Variants in TRABD2B observed in about 807,000 individuals in gnomAD.
TRABD2B encodes the protein TraB domain containing 2B.
TRABD2B carries 14 observed loss-of-function variants against 40.1 expected under a neutral mutation model. The ratio of observed to expected loss-of-function variants is 0.35; its 90% CI spans 0.23 to 0.55. The LOEUF (loss-of-function observed/expected upper bound fraction) is 0.55. Ranked by LOEUF, TRABD2B falls within the 20% of genes least tolerant of loss-of-function variation. The pLI, the probability that TRABD2B is intolerant of heterozygous loss-of-function variation, is 0.90. For missense variants in TRABD2B, 541 were observed against 648.6 expected (o/e 0.83, Z 1.80); for synonymous variants, 263 against 277.0 (o/e 0.95, Z 0.50).
At chr1:47,917,990 C>T (rs1441029789) in intron 2 of TRABD2B, among the ~76,000 whole-genome samples, 1 of 152,150 alleles carries the variant, frequency 6.6e-6, no homozygotes, top group Admixed American at 6.5e-5. Context: ...GTTATTATTC[C>T]CATTTTGCAT....
At chr1:47,970,910 A>C (rs1645673400) in intron 2 of TRABD2B, among the ~76,000 whole-genome samples, 2 of 152,212 alleles carry the variant, frequency 1.3e-5, no homozygotes, top group Admixed American at 6.5e-5. Flanking sequence ...GGCCAAAGCA[A>C]GTGACAAGAC....
At chr1:47,930,545 A>G (rs1429185427) in intron 2 of TRABD2B, among the ~76,000 whole-genome samples, 1 of 152,228 alleles carries the variant, frequency 6.6e-6, no homozygotes, top group Non-Finnish European at 1.5e-5. Context: ...ACTGCCCTGC[A>G]GAGGCTTCAA....
intron 6 of TRABD2B, among the ~76,000 whole-genome samples, chr1:47,768,052 G>A (rs947205242): frequency 1.3e-5 from 2 of 152,126 alleles, no homozygotes. Flanking sequence ...GTGTCCAAAC[G>A]GCCTCTGGCA....
At chr1:47,780,794 C>G (rs1644511121) in intron 4 of TRABD2B, among the ~76,000 whole-genome samples, 1 of 152,194 alleles carries the variant, frequency 6.6e-6, no homozygotes, top group South Asian at 2.1e-4. Context: ...ATGGGCAGCA[C>G]AGGCATGAAC....
Position 47,869,461 on chromosome 1 carries a change from T to C in TRABD2B, c.667-67842A>G, listed in dbSNP as rs894097540. On this transcript the variant is annotated intron_variant, in intron 2 of 6. Coordinates refer to ENST00000606738, the MANE Select transcript of TRABD2B (RefSeq NM_001194986.2). ...TTTAAGCAAACATGCGCCACGGTGG[T>C]CCGCAAAAGAAGATGATGCTGTGAT... Among the ~76,000 whole-genome samples the C allele has an allele frequency of 3.3e-5, 5 of 152,150 alleles. No homozygotes were observed. In the East Asian group the frequency reaches 9.6e-4, roughly 29 times the overall value.
At chr1:47,909,799 C>CTCCCTCCCTCT (rs1644736189) in intron 2 of TRABD2B, among the ~76,000 whole-genome samples, 1 of 10,412 alleles carries the variant, frequency 9.6e-5, no homozygotes, top group African/African-American at 5.0e-4. Context: ...TCCCCCCCCC[C>CTCCCTCCCTCT]CTTCCTCCCT....
intron 2 of TRABD2B, among the ~76,000 whole-genome samples, chr1:47,822,149 TACACAC>T (rs77773814): frequency 0.26 from 39,020 of 151,180 alleles, 5,340 homozygotes; most frequent in Non-Finnish European, 0.3. Flanking sequence ...TGTGTACACG[TACACAC>T]ACACACACAC....
intron 2 of TRABD2B, among the ~76,000 whole-genome samples, chr1:47,881,720 G>A (rs1450899348): frequency 6.6e-6 from 1 of 152,138 alleles, no homozygotes; most frequent in Non-Finnish European, 1.5e-5. Flanking sequence ...ACGTGTGGCG[G>A]GCTTATCTGA....
intron 2 of TRABD2B, among the ~76,000 whole-genome samples, chr1:47,833,121 T>C (rs1382095672): frequency 6.6e-6 from 1 of 152,210 alleles, no homozygotes; most frequent in Non-Finnish European, 1.5e-5. Context: ...TAAACACAGA[T>C]GCTTGGACCA....
intron 2 of TRABD2B, among the ~76,000 whole-genome samples, chr1:47,947,372 C>A (rs531735485): frequency 3.3e-5 from 5 of 152,122 alleles, no homozygotes; most frequent in African/African-American, 4.8e-5. Flanking sequence ...CAAGGTTGGT[C>A]AACACTGTTA....
intron 2 of TRABD2B, among the ~76,000 whole-genome samples, chr1:47,993,332 G>A (rs1021905452): frequency 6.6e-6 from 1 of 152,190 alleles, no homozygotes; most frequent in African/African-American, 2.4e-5. Flanking sequence ...ATCTCTGGCA[G>A]CCAGAGACTT....
chr1:47,967,537 G>A (rs557376857), intron 2 of TRABD2B, among the ~76,000 whole-genome samples: 6 of 152,204 alleles, frequency 3.9e-5, no homozygotes, highest in Non-Finnish European at 7.4e-5. Context: ...TTGGACTCTC[G>A]TTTACGTCTG....
chr1:47,769,042 G>A (rs951116952), intron 6 of TRABD2B, among the ~76,000 whole-genome samples: 5 of 152,124 alleles, frequency 3.3e-5, no homozygotes, highest in East Asian at 1.9e-4. Flanking sequence ...TCTCAAACCC[G>A]CAGATGGAGG....
Position 47,778,426 on chromosome 1 carries a change from G to C in TRABD2B, c.1079+28C>G, listed in dbSNP as rs76234377. On this transcript the variant is annotated intron_variant, in intron 5 of 6. Transcript: ENST00000606738. The stretch of plus-strand genomic sequence containing the variant: ...TGGGCAGGAAGGCAGGGTCAGTGAG[G>C]GCCAAGGCACACCCAGATGTGGCTT... The C allele has an allele frequency of 8.2e-4, 1,238 of 1,509,044 alleles. 15 individuals carry two copies. The African/African-American group carries it at 0.015, about 19-fold the overall frequency. The allele number at this position is 1,509,044 out of a possible 1,614,324, so 93.5% of individuals were successfully genotyped here. A position where few individuals can be genotyped will look rare whatever the true frequency, so the allele number is the denominator to read the frequency against.
chr1:47,834,189 T>C (rs1471767563), intron 2 of TRABD2B, among the ~76,000 whole-genome samples: 2 of 152,220 alleles, frequency 1.3e-5, no homozygotes, highest in African/African-American at 4.8e-5. Flanking sequence ...GACCTAAAGC[T>C]TGCTTTGTGC....
At chr1:47,801,310 T>C (rs958448727) in intron 3 of TRABD2B, among the ~76,000 whole-genome samples, 163 bp downstream of exon 3, 8 of 152,192 alleles carry the variant, frequency 5.3e-5, no homozygotes, top group Non-Finnish European at 1.2e-4. Flanking sequence ...TGTGTTGCCT[T>C]GGACAAATCT....
chr1:47,794,465 T>G, intron 4 of TRABD2B, 121 bp downstream of exon 4: 2 of 1,128,362 alleles, frequency 1.8e-6, no homozygotes, highest in Non-Finnish European at 2.4e-6. Flanking sequence ...CTAAGCACTG[T>G]GTGGCTTTTC....
chr1:47,876,095 C>T lies in TRABD2B; in HGVS notation c.667-74476G>A, dbSNP rs1467304273. 5.3e-5 allele frequency among the ~76,000 whole-genome samples: 8 copies of T among 152,306 alleles called. No individual in the cohort carries two copies. The East Asian group carries it at 1.5e-3, about 29-fold the overall frequency. ...TGGAGGTCCCAGCCTCCCAGAAGGT[C>T]CACTCCACTACTCTACAGTAACAGG... On this transcript the variant is annotated intron_variant, in intron 2 of 6. Transcript: ENST00000606738.
chr1:47,805,424 A>C lies in TRABD2B; in HGVS notation c.667-3805T>G, dbSNP rs1033106992. On this transcript the variant is annotated intron_variant, in intron 2 of 6. Transcript: ENST00000606738. ...CAGGAGTGTGGTGGGGCCAGGACTG[A>C]AACCCAAGCCTATCATCCTGATTCT... 2.6e-5 allele frequency among the ~76,000 whole-genome samples: 4 copies of C among 152,078 alleles called. No individual in the cohort carries two copies. In the South Asian group the frequency reaches 8.3e-4, roughly 32 times the overall value.
Sources: gnomAD v4.1 joint callset for allele counts (sites outside exome capture counted in the v4.1 genomes callset) on GRCh38, gnomAD v4.1.1 for gene constraint, MANE v1.5 for transcripts, NCBI Gene and HGNC (gene_info 2026-07-23, HGNC 2026-07-21) for gene names.